GARIN1A: variants seen among roughly 807,000 people sequenced by gnomAD.
The protein encoded by GARIN1A is golgi associated RAB2 interactor 1A.
chr7:128,703,464 G>A, the GARIN1A span, among the ~76,000 whole-genome samples: 7 of 152,084 alleles, frequency 4.6e-5, no homozygotes, highest in Admixed American at 1.3e-4. Flanking sequence ...AACAGTTTGC[G>A]CCCAGCTGAA....
the GARIN1A span, among the ~76,000 whole-genome samples, chr7:128,692,546 G>C: frequency 1.3e-5 from 2 of 152,154 alleles, no homozygotes; most frequent in Admixed American, 1.3e-4. Context: ...CCAGGACATG[G>C]CATCTGCAAA....
chr7:128,671,645 C>CAAA, the GARIN1A span, among the ~76,000 whole-genome samples: 1,337 of 120,230 alleles, frequency 0.011, 18 homozygotes, highest in African/African-American at 0.034. Context: ...AACTCTGTCT[C>CAAA]AAAAAAAAAA....
chr7:128,677,720 G>C, the GARIN1A span: 4 of 1,613,790 alleles, frequency 2.5e-6, no homozygotes, highest in Non-Finnish European at 3.4e-6. Context: ...TGAAAATTCT[G>C]CAGAAAGGCC....
the GARIN1A span, among the ~76,000 whole-genome samples, chr7:128,692,164 C>T: frequency 6.6e-6 from 1 of 152,158 alleles, no homozygotes; most frequent in Non-Finnish European, 1.5e-5. Context: ...TACGTGTACA[C>T]CCATGAAGTC....
At chr7:128,707,820 T>C in the GARIN1A span, among the ~76,000 whole-genome samples, 150,187 of 152,292 alleles carry the variant, frequency 0.99, 74,076 homozygotes, top group Middle Eastern at 1. Context: ...GTTTATTTCA[T>C]TAGGTCCATG....
the GARIN1A span, among the ~76,000 whole-genome samples, chr7:128,692,744 T>G: frequency 6.6e-6 from 1 of 152,194 alleles, no homozygotes; most frequent in Admixed American, 6.5e-5. Context: ...TAATTAGGGC[T>G]TTACTGTTGT....
chr7:128,691,498 C>T, the GARIN1A span: 48 of 152,340 alleles, frequency 3.2e-4, no homozygotes, highest in African/African-American at 1.1e-3. Flanking sequence ...CTGAGACCTA[C>T]TGGGCTCCAT....
chr7:128,701,751 C>T, the GARIN1A span, among the ~76,000 whole-genome samples: 3 of 152,004 alleles, frequency 2.0e-5, no homozygotes, highest in Non-Finnish European at 4.4e-5. Flanking sequence ...ACGTAAAGAA[C>T]GAGGAAATTA....
the GARIN1A span, among the ~76,000 whole-genome samples, chr7:128,682,403 A>T: frequency 1.3e-5 from 2 of 152,170 alleles, no homozygotes; most frequent in African/African-American, 4.8e-5. Flanking sequence ...TTGTTCCTCC[A>T]CAGGGCAGGC....
the GARIN1A span, among the ~76,000 whole-genome samples, chr7:128,699,998 C>G: frequency 6.6e-6 from 1 of 152,132 alleles, no homozygotes. Flanking sequence ...GTCCATTTGA[C>G]TAACATTAAT....
At chr7:128,679,382 G>A in the GARIN1A span, among the ~76,000 whole-genome samples, 1 of 151,882 alleles carries the variant, frequency 6.6e-6, no homozygotes, top group East Asian at 1.9e-4. Flanking sequence ...CAGTAGAGAC[G>A]GGGTTTCACC....
chr7:128,694,261 G>A, the GARIN1A span, among the ~76,000 whole-genome samples: 1 of 152,204 alleles, frequency 6.6e-6, no homozygotes, highest in Non-Finnish European at 1.5e-5. Flanking sequence ...GCCGAGCATG[G>A]TGGCTCACGC....
the GARIN1A span, chr7:128,690,436 G>A: frequency 2.0e-5 from 3 of 152,344 alleles, no homozygotes; most frequent in Non-Finnish European, 2.9e-5. Flanking sequence ...AATAATAACG[G>A]TCAATCCACT....
chr7:128,699,404 C>G, the GARIN1A span, among the ~76,000 whole-genome samples: 1 of 151,962 alleles, frequency 6.6e-6, no homozygotes, highest in Non-Finnish European at 1.5e-5. Context: ...CTTTTATTAT[C>G]TAAATGAAGT....
the GARIN1A span, among the ~76,000 whole-genome samples, chr7:128,692,195 C>T: frequency 2.0e-5 from 3 of 152,122 alleles, no homozygotes; most frequent in African/African-American, 7.2e-5. Context: ...GGTTCTGTGC[C>T]CAGAAACATG....
At chr7:128,682,346 T>A in the GARIN1A span, among the ~76,000 whole-genome samples, 11 of 152,154 alleles carry the variant, frequency 7.2e-5, 1 homozygote, top group Non-Finnish European at 1.3e-4. Context: ...TCATAATACA[T>A]TATATTCTCA....
chr7:128,698,864 GGCGTGA>G, the GARIN1A span, among the ~76,000 whole-genome samples: 1 of 152,212 alleles, frequency 6.6e-6, no homozygotes, highest in Admixed American at 6.5e-5. Context: ...TGGGATTACA[GGCGTGA>G]GCCACCGCGC....
the GARIN1A span, chr7:128,693,462 CT>C: frequency 0.16 from 29,026 of 184,440 alleles, 2,525 homozygotes; most frequent in East Asian, 0.35. Flanking sequence ...GGTGCTGAAG[CT>C]TAAGTTCCAT....
At chr7:128,686,482 G>C in the GARIN1A span, 1 of 152,190 alleles carries the variant, frequency 6.6e-6, no homozygotes, top group Non-Finnish European at 1.5e-5. Flanking sequence ...AAGCCAGTCT[G>C]TCTAACTCCA....
Sources: allele counts gnomAD v4.1 joint callset (sites outside exome capture counted in the v4.1 genomes callset), GRCh38; gene constraint gnomAD v4.1.1; transcripts MANE v1.5; gene names NCBI Gene and HGNC (gene_info 2026-07-23, HGNC 2026-07-21).